Variants in KCNMB3 observed in about 807,000 individuals in gnomAD.
KCNMB3 encodes the protein calcium-activated potassium channel subunit beta-3.
KCNMB3 carries 18 observed loss-of-function variants against 11.9 expected under a neutral mutation model. The ratio of observed to expected loss-of-function variants is 1.51; its 90% CI spans 1.04 to 2.23. The LOEUF (loss-of-function observed/expected upper bound fraction) is 2.23. KCNMB3 is among the 30% of genes most tolerant of loss of function. KCNMB3 has a pLI of 0.00. For synonymous variants in KCNMB3, 78 were observed against 119.2 expected (o/e 0.65, Z 2.25); for missense variants, 247 against 329.4 (o/e 0.75, Z 1.94).
chr3:179,266,650 T>C (rs753768007), exon 1 of KCNMB3: 8 of 1,614,012 alleles, frequency 5.0e-6, no homozygotes, highest in Non-Finnish European at 5.9e-6. Flanking sequence ...GTGACTTACC[T>C]CCCCTGGCGC....
At chr3:179,251,903 G>A (rs902551200), upstream of KCNMB3, among the ~76,000 whole-genome samples, 6 of 152,006 alleles carry the variant, frequency 3.9e-5, no homozygotes, top group Admixed American at 3.9e-4. Flanking sequence ...TGTATTTTAA[G>A]TAGAGACAGT....
rs773285660 is a variant in KCNMB3, at chr3:179,244,702, T to TC, written c.249-10_249-9insG. 6.4e-7 allele frequency: 1 copy of TC among 1,555,474 alleles called. No homozygotes were observed. The highest frequency in any genetic ancestry group is 1.7e-5 in the African/African-American group (1 of 58,424). On this transcript the variant is annotated splice_polypyrimidine_tract_variant and intron_variant, in intron 1 of 2. Coordinates refer to ENST00000392685, the MANE Select transcript of KCNMB3 (RefSeq NM_171830.2). ...ATTCTTCTCTCTGAATGCTTCAATT[T>TC]GAAAAAAAAAAAATGTTCTTCACTT...
At chr3:179,259,614 A>G in intron 1 of KCNMB3, 3 of 1,608,224 alleles carry the variant, frequency 1.9e-6, no homozygotes, top group Non-Finnish European at 2.5e-6. Flanking sequence ...AGTAGACTTT[A>G]CCTGCTCTTC....
At chr3:179,245,109 G>A (rs6799756) in intron 1 of KCNMB3, among the ~76,000 whole-genome samples, 13,187 of 152,204 alleles carry the variant, frequency 0.087, 657 homozygotes, top group African/African-American at 0.13. Context: ...GGTATTTGGA[G>A]AACCACAGTG....
chr3:179,259,290 T>C, intron 1 of KCNMB3: 1 of 1,552,232 alleles, frequency 6.4e-7, no homozygotes, highest in Non-Finnish European at 8.7e-7. Flanking sequence ...ATCTTCGCTC[T>C]CTGGTTCTTC....
At chr3:179,260,609 G>C (rs1726175059) in intron 1 of KCNMB3, 1 of 1,432,760 alleles carries the variant, frequency 7.0e-7, no homozygotes, top group Non-Finnish European at 9.8e-7. Flanking sequence ...CGTCATCTTG[G>C]TAGGATCTTG....
At chr3:179,251,161 G>A (rs1725831079), upstream of KCNMB3, 2 of 1,612,716 alleles carry the variant, frequency 1.2e-6, no homozygotes, top group Admixed American at 1.7e-5. Flanking sequence ...TAGCAAACAA[G>A]CCTAAGAAAT....
At chr3:179,244,977 A>G (rs1413181890) in intron 1 of KCNMB3, among the ~76,000 whole-genome samples, 1 of 152,192 alleles carries the variant, frequency 6.6e-6, no homozygotes, top group Non-Finnish European at 1.5e-5. Context: ...CTTCAGAATC[A>G]TCTGTGAGTT....
chr3:179,266,815 AG>A (rs1726383134), exon 1 of KCNMB3: 6 of 1,477,018 alleles, frequency 4.1e-6, no homozygotes, highest in Non-Finnish European at 9.0e-7. Flanking sequence ...TCCCAGCGGG[AG>A]CCCCCAGCCC....
At chr3:179,266,487 T>C (rs1388043700) in intron 1 of KCNMB3, among the ~76,000 whole-genome samples, 2 of 151,988 alleles carry the variant, frequency 1.3e-5, no homozygotes, top group African/African-American at 4.8e-5. Flanking sequence ...GTGATGTGAG[T>C]GCTACTGGGG....
exon 1 of KCNMB3, chr3:179,266,971 C>T (rs1208255024): frequency 2.4e-6 from 3 of 1,252,200 alleles, no homozygotes; most frequent in South Asian, 5.6e-5. Flanking sequence ...TGGTTTGCTG[C>T]AGCCGAAGCT....
upstream of KCNMB3, among the ~76,000 whole-genome samples, chr3:179,255,151 C>G (rs1725969825): frequency 2.9e-5 from 4 of 137,710 alleles, no homozygotes; most frequent in South Asian, 9.9e-4. Context: ...GGCAACAGAG[C>G]AAGACTCTAT....
intron 1 of KCNMB3, chr3:179,259,973 C>T: frequency 6.2e-7 from 1 of 1,613,058 alleles, no homozygotes; most frequent in East Asian, 2.2e-5. Context: ...CTTCTGTACT[C>T]TGCACTGGAA....
At chr3:179,265,911 C>T (rs1726359450) in intron 1 of KCNMB3, among the ~76,000 whole-genome samples, 1 of 152,154 alleles carries the variant, frequency 6.6e-6, no homozygotes, top group African/African-American at 2.4e-5. Context: ...TTTTCATTTC[C>T]CTGGGGAGAA....
At chr3:179,260,084 A>T in intron 1 of KCNMB3, 1 of 1,609,012 alleles carries the variant, frequency 6.2e-7, no homozygotes, top group Non-Finnish European at 8.5e-7. Context: ...TACATCTGTC[A>T]TCATGATAAA....
rs761939970 is a variant in KCNMB3, at chr3:179,250,613, T to C, written c.248+130A>G. On this transcript the variant is annotated intron_variant, in intron 1 of 2. Coordinates refer to ENST00000392685, the MANE Select transcript of KCNMB3 (RefSeq NM_171830.2). ...AGCACTGACAGCGGAAGAGGAATTG[T>C]ATTTTTCTTTTTCTAGACCATGGCA... The C allele has an allele frequency of 9.9e-5, 94 of 950,748 alleles. 1 individual carries two copies. The Admixed American group carries it at 1.1e-3, about 11-fold the overall frequency. The allele number at this position is 950,748 out of a possible 1,614,324, so 58.9% of individuals were successfully genotyped here.
In KCNMB3 at chr3:179,266,799, G is replaced by A. The variant is rs934138881; in HGVS notation, c.-89C>T. The A allele has an allele frequency of 4.5e-6, 7 of 1,547,962 alleles. No homozygotes were observed. The African/African-American group carries it at 9.5e-5, about 21-fold the overall frequency. ...AGGTGAAGCTTAGACATCCACGGAA[G>A]TGGAGTCCCAGCGGGAGCCCCCAGC... is the stretch of plus-strand genomic sequence containing the variant. On this transcript the variant is annotated 5_prime_UTR_variant, in exon 1 of 4. Coordinates refer to the KCNMB3 transcript ENST00000349697.
rs528769795 is a variant in KCNMB3 at position 179,264,675 on chromosome 3, A to C, written c.62+1974T>G. On this transcript the variant is annotated intron_variant, in intron 1 of 3. Coordinates refer to the KCNMB3 transcript ENST00000349697. ...ACACACTCACCTGGGTGTGATCCCC[A>C]CAGAAGCCAGCAGCCTCTCCCTCCA... is the stretch of plus-strand genomic sequence containing the variant. Among the ~76,000 whole-genome samples the C allele has an allele frequency of 1.4e-3, 216 of 152,256 alleles. 1 individual carries two copies. Among genetic ancestry groups the C allele is most frequent in the African/African-American group, 5.0e-3 (208 of 41,552 alleles).
intron 1 of KCNMB3, among the ~76,000 whole-genome samples, chr3:179,245,980 G>A (rs964707553): frequency 6.6e-6 from 1 of 152,196 alleles, no homozygotes; most frequent in Non-Finnish European, 1.5e-5. Context: ...TAAACGAGGG[G>A]AAGAGGAAAC....
Sources: gnomAD v4.1 joint callset for allele counts (sites outside exome capture counted in the v4.1 genomes callset) on GRCh38, gnomAD v4.1.1 for gene constraint, MANE v1.5 for transcripts, NCBI Gene and HGNC (gene_info 2026-07-23, HGNC 2026-07-21) for gene names.